Variants in NRXN3 observed in about 807,000 individuals in gnomAD.
The protein encoded by NRXN3 is neurexin 3, also known as neurexin III.
In NRXN3, 32 loss-of-function variants were observed where a neutral mutation model predicts 137.6. The ratio of observed to expected loss-of-function variants is 0.23; its 90% confidence interval spans 0.18 to 0.31. The LOEUF (loss-of-function observed/expected upper bound fraction) is 0.31, where lower values mean the gene tolerates loss of function less well. NRXN3 is among the 10% of genes least tolerant of loss of function. The pLI is 1.00. For missense variants in NRXN3, 1,574 were observed against 2,062.5 expected (o/e 0.76, Z 4.59); for synonymous variants, 798 against 784.5 (o/e 1.02, Z -0.29).
At chr14:79,636,843 T>C (rs560308720) in intron 16 of NRXN3, among the ~76,000 whole-genome samples, 8 of 152,288 alleles carry the variant, frequency 5.3e-5, no homozygotes, top group African/African-American at 1.9e-4. Flanking sequence ...ATGACCAATT[T>C]GGAAAGAACA....
chr14:79,267,137 G>A (rs2078565054), intron 15 of NRXN3, among the ~76,000 whole-genome samples: 2 of 152,178 alleles, frequency 1.3e-5, no homozygotes, highest in African/African-American at 4.8e-5. Flanking sequence ...AAGTAGGCAT[G>A]TTGACACGTG....
At chr14:78,637,723 A>G (rs187194587) in intron 4 of NRXN3, among the ~76,000 whole-genome samples, 281 of 152,346 alleles carry the variant, frequency 1.8e-3, no homozygotes, top group Admixed American at 4.0e-3. Flanking sequence ...CCACTGTTCA[A>G]CCAGGCAGAG....
intron 15 of NRXN3, among the ~76,000 whole-genome samples, chr14:79,154,367 G>C (rs2060064687): frequency 1.3e-5 from 2 of 151,924 alleles, no homozygotes. Flanking sequence ...GTCAGAAGAG[G>C]AGACTAGTTT....
At chr14:78,784,062 G>C (rs2153035728) in intron 8 of NRXN3, among the ~76,000 whole-genome samples, 1 of 94,064 alleles carries the variant, frequency 1.1e-5, no homozygotes, top group East Asian at 3.4e-4. Flanking sequence ...GATAACACAT[G>C]AGAAAAAAAA....
intron 4 of NRXN3, among the ~76,000 whole-genome samples, chr14:78,344,620 T>C (rs1189924575): frequency 6.6e-6 from 1 of 152,188 alleles, no homozygotes; most frequent in Non-Finnish European, 1.5e-5. Flanking sequence ...CGTTTGAGAC[T>C]TCTTGGGGGC....
intron 19 of NRXN3, among the ~76,000 whole-genome samples, chr14:79,792,243 A>C (rs532856651): frequency 6.6e-6 from 1 of 152,334 alleles, no homozygotes; most frequent in African/African-American, 2.4e-5. Flanking sequence ...ATGCTGCTGT[A>C]AAAATAGAAT....
intron 15 of NRXN3, among the ~76,000 whole-genome samples, chr14:79,378,479 A>T (rs1212974545): frequency 2.6e-5 from 4 of 152,246 alleles, no homozygotes; most frequent in Non-Finnish European, 5.9e-5. Context: ...TAAGAGCATC[A>T]TCACTGGGAG....
chr14:79,170,874 C>T (rs974769965), intron 15 of NRXN3, among the ~76,000 whole-genome samples: 3 of 152,042 alleles, frequency 2.0e-5, no homozygotes, highest in African/African-American at 7.2e-5. Context: ...GTTTAGGATA[C>T]TAATCAGTGG....
At chr14:79,601,791 C>T (rs1449872376) in intron 16 of NRXN3, among the ~76,000 whole-genome samples, 4 of 152,042 alleles carry the variant, frequency 2.6e-5, no homozygotes, top group Non-Finnish European at 4.4e-5. Flanking sequence ...GTCAATGTGC[C>T]GAAGATCAGG....
chr14:78,487,790 A>AATAAATAAAGAT (rs1272565435), intron 4 of NRXN3, among the ~76,000 whole-genome samples: 3 of 138,104 alleles, frequency 2.2e-5, no homozygotes, highest in East Asian at 2.1e-4. Flanking sequence ...TAAATAAATA[A>AATAAATAAAGAT]AGATAGATTT....
At chr14:78,395,557 T>C (rs575095367) in intron 4 of NRXN3, among the ~76,000 whole-genome samples, 11 of 152,132 alleles carry the variant, frequency 7.2e-5, no homozygotes, top group African/African-American at 2.6e-4. Context: ...TACTGGGTTC[T>C]ATCTCTTTGT....
At chr14:79,589,442 C>CT (rs1323680356) in intron 16 of NRXN3, among the ~76,000 whole-genome samples, 2 of 144,526 alleles carry the variant, frequency 1.4e-5, no homozygotes, top group African/African-American at 5.2e-5. Flanking sequence ...AGGCTTATTC[C>CT]ATTTTTTTTT....
Position 79,863,847 on chromosome 14 carries a change from A to T in NRXN3, c.*1883A>T, listed in dbSNP as rs1420824649. The T allele has an allele frequency of 6.5e-6, 1 of 152,738 alleles. No individual in the cohort carries two copies. Among genetic ancestry groups the T allele is most frequent in the East Asian group, 1.9e-4 (1 of 5,182 alleles). 9.5% of individuals were successfully genotyped at this position (152,738 alleles called of 1,614,324 possible). On this transcript the variant is annotated 3_prime_UTR_variant, in exon 21 of 21. Transcript: ENST00000335750. Reference sequence around the variant, plus strand: ...ATCAGCTGCTTAGATTTAGAAATCTACTCTTGCTGGTCTTTGTAAGTTGCA... The same window carrying T: ...ATCAGCTGCTTAGATTTAGAAATCTTCTCTTGCTGGTCTTTGTAAGTTGCA...
chr14:78,667,550 C>A (rs2097897457), intron 6 of NRXN3, among the ~76,000 whole-genome samples: 1 of 152,112 alleles, frequency 6.6e-6, no homozygotes, highest in African/African-American at 2.4e-5. Flanking sequence ...GAATTTATAT[C>A]CCCCAAATGA....
At chr14:78,331,903 G>A (rs2080860653) in intron 4 of NRXN3, among the ~76,000 whole-genome samples, 1 of 152,206 alleles carries the variant, frequency 6.6e-6, no homozygotes, top group Non-Finnish European at 1.5e-5. Flanking sequence ...CTTAAAACAA[G>A]GACCATGTAA....
At chr14:79,465,720 G>T (rs2096412725) in intron 15 of NRXN3, among the ~76,000 whole-genome samples, 1 of 152,184 alleles carries the variant, frequency 6.6e-6, no homozygotes. Context: ...AAATGTAAAA[G>T]GTATCTGAAT....
At chr14:79,314,529 G>A (rs1381746448) in intron 15 of NRXN3, among the ~76,000 whole-genome samples, 1 of 39,742 alleles carries the variant, frequency 2.5e-5, no homozygotes, top group East Asian at 6.3e-4. Flanking sequence ...GGTAAACAAA[G>A]CAGCCGGGAA....
chr14:79,241,568 C>T (rs1257808504), intron 15 of NRXN3, among the ~76,000 whole-genome samples: 1 of 152,106 alleles, frequency 6.6e-6, no homozygotes, highest in East Asian at 1.9e-4. Context: ...CCCCATGATT[C>T]AGTTATCTCC....
chr14:79,566,650 C>T (rs983912926), intron 16 of NRXN3, among the ~76,000 whole-genome samples: 2 of 152,068 alleles, frequency 1.3e-5, no homozygotes, highest in African/African-American at 2.4e-5. Flanking sequence ...ATGATGTAAT[C>T]CAATTTGAAC....
Sources: allele counts gnomAD v4.1 joint callset (sites outside exome capture counted in the v4.1 genomes callset), GRCh38; gene constraint gnomAD v4.1.1; transcripts MANE v1.5; gene names NCBI Gene and HGNC (gene_info 2026-07-23, HGNC 2026-07-21).